Variants in MAPK10 observed in about 807,000 individuals in gnomAD.
MAPK10 encodes the protein mitogen-activated protein kinase 10, also known as JNK3 alpha protein kinase.
A neutral mutation model predicts 59.3 loss-of-function variants in MAPK10; 25 were observed. The observed-to-expected ratio is 0.42, with a 90% CI of 0.31 to 0.59. The LOEUF is 0.59. Among genes scored for constraint, MAPK10 ranks in the 20% least tolerant of loss-of-function variants. The pLI is 0.15. For synonymous variants in MAPK10, 190 were observed against 200.5 expected (o/e 0.95, Z 0.44); for missense variants, 351 against 568.9 (o/e 0.62, Z 3.90).
intron 2 of MAPK10, among the ~76,000 whole-genome samples, chr4:86,204,129 T>C (rs762118889): frequency 6.6e-6 from 1 of 151,958 alleles, no homozygotes; most frequent in Non-Finnish European, 1.5e-5. Flanking sequence ...AAGCCTAAGA[T>C]ACTTATTAGT....
chr4:86,276,570 T>TA (rs1435212704), intron 2 of MAPK10, among the ~76,000 whole-genome samples: 7 of 152,160 alleles, frequency 4.6e-5, no homozygotes, highest in African/African-American at 1.2e-4. Flanking sequence ...TTGGACAGTC[T>TA]AAAAAATCAC....
At chr4:86,269,796 A>G (rs537960043) in intron 2 of MAPK10, among the ~76,000 whole-genome samples, 1 of 152,278 alleles carries the variant, frequency 6.6e-6, no homozygotes, top group Admixed American at 6.6e-5. Context: ...GCTTGTCACT[A>G]TGACAACAAA....
intron 2 of MAPK10, among the ~76,000 whole-genome samples, chr4:86,242,179 G>C (rs1299451715): frequency 6.6e-6 from 1 of 152,008 alleles, no homozygotes; most frequent in African/African-American, 2.4e-5. Flanking sequence ...CCAATGCCTG[G>C]AGATGTCATT....
chr4:86,582,707 C>G (rs1762387097), intron 1 of MAPK10, among the ~76,000 whole-genome samples: 1 of 152,142 alleles, frequency 6.6e-6, no homozygotes, highest in Non-Finnish European at 1.5e-5. Flanking sequence ...GAATTGGGAA[C>G]TAAACCAATG....
At chr4:86,483,101 C>T (rs1011681366) in intron 1 of MAPK10, among the ~76,000 whole-genome samples, 5 of 152,168 alleles carry the variant, frequency 3.3e-5, no homozygotes, top group Non-Finnish European at 1.5e-5. Flanking sequence ...CCTCTTCTAC[C>T]GTCTCCCCAG....
intron 1 of MAPK10, among the ~76,000 whole-genome samples, chr4:86,377,912 T>C (rs527729219): frequency 6.6e-6 from 1 of 152,230 alleles, no homozygotes; most frequent in East Asian, 1.9e-4. Context: ...CTTTCACATT[T>C]TTCTGCCTGC....
chr4:86,307,755 G>A (rs1490407235), intron 2 of MAPK10, among the ~76,000 whole-genome samples: 1 of 152,102 alleles, frequency 6.6e-6, no homozygotes, highest in African/African-American at 2.4e-5. Context: ...GTAGAGTGGT[G>A]GAATATTGTC....
intron 13 of MAPK10, chr4:86,026,494 A>T (rs1750313927): frequency 6.6e-6 from 1 of 152,220 alleles, no homozygotes; most frequent in Non-Finnish European, 1.5e-5. Flanking sequence ...TTATTGACAT[A>T]CAACAATTTC....
intron 3 of MAPK10, among the ~76,000 whole-genome samples, chr4:86,178,711 G>A (rs986976373): frequency 3.8e-4 from 58 of 152,150 alleles, no homozygotes; most frequent in African/African-American, 1.2e-3. Flanking sequence ...ATAAGTAAAG[G>A]GCATCCAAAG....
At chr4:86,157,342 C>A (rs904362957) in intron 4 of MAPK10, among the ~76,000 whole-genome samples, 1 of 151,854 alleles carries the variant, frequency 6.6e-6, no homozygotes, top group African/African-American at 2.4e-5. Context: ...AAATTACATG[C>A]GGTGACACAT....
chr4:86,188,707 G>C (rs1006916725), intron 3 of MAPK10, among the ~76,000 whole-genome samples: 1 of 152,050 alleles, frequency 6.6e-6, no homozygotes, highest in Non-Finnish European at 1.5e-5. Context: ...TGTTCACTCT[G>C]GTAATAATTT....
intron 10 of MAPK10, 128 bp downstream of exon 10, chr4:86,067,645 T>C (rs939104980): frequency 3.9e-6 from 3 of 773,806 alleles, no homozygotes; most frequent in African/African-American, 3.5e-5. Context: ...CCCACAAAAA[T>C]GTACGATTAT....
At chr4:86,524,363 A>T (rs1757320059) in intron 1 of MAPK10, among the ~76,000 whole-genome samples, 2 of 152,210 alleles carry the variant, frequency 1.3e-5, no homozygotes, top group Admixed American at 1.3e-4. Flanking sequence ...AATCTAAATT[A>T]AAAATCTTGA....
intron 9 of MAPK10, among the ~76,000 whole-genome samples, chr4:86,084,512 T>G (rs2051344951): frequency 6.6e-6 from 1 of 151,784 alleles, no homozygotes. Context: ...TATCTACAAA[T>G]AAAATAAAAT....
Position 86,551,178 on chromosome 4 carries a change from CATATGT to C in MAPK10, c.-263+42726_-263+42731del, listed in dbSNP as rs544778143. ...AAAGGATGGGTAGTTAACCAAACTG[CATATGT>C]ATATGTGTTAGCCCCTCAAATGAAA... On this transcript the variant is annotated intron_variant, in intron 1 of 4. Transcript: ENST00000502302. Among the ~76,000 whole-genome samples, 404 of 152,310 alleles carry C rather than the reference CATATGT, an allele frequency of 2.7e-3. 2 individuals are homozygous for C. Among genetic ancestry groups the C allele is most frequent in the African/African-American group, 9.5e-3 (393 of 41,576 alleles).
chr4:86,517,633 G>A (rs182208566), intron 1 of MAPK10, among the ~76,000 whole-genome samples: 16 of 152,062 alleles, frequency 1.1e-4, no homozygotes, highest in African/African-American at 3.6e-4. Flanking sequence ...GAGGATTTTT[G>A]CATCTCTGTC....
chr4:86,265,004 G>A (rs546217035), intron 2 of MAPK10, among the ~76,000 whole-genome samples: 1 of 148,584 alleles, frequency 6.7e-6, no homozygotes, highest in South Asian at 2.2e-4. Flanking sequence ...CAATTCACCT[G>A]CCTCAGCCTC....
At chr4:86,435,830 T>C (rs1302471532) in intron 1 of MAPK10, among the ~76,000 whole-genome samples, 1 of 152,220 alleles carries the variant, frequency 6.6e-6, no homozygotes, top group Non-Finnish European at 1.5e-5. Context: ...ATCTTACTTA[T>C]TGAGCTGAGC....
At chr4:86,447,159 G>A (rs1750141761) in intron 1 of MAPK10, among the ~76,000 whole-genome samples, 1 of 152,098 alleles carries the variant, frequency 6.6e-6, no homozygotes, top group African/African-American at 2.4e-5. Flanking sequence ...GGACCTGGTG[G>A]GAGGTAATTG....
Sources: allele counts gnomAD v4.1 joint callset (sites outside exome capture counted in the v4.1 genomes callset), GRCh38; gene constraint gnomAD v4.1.1; transcripts MANE v1.5; gene names NCBI Gene and HGNC (gene_info 2026-07-23, HGNC 2026-07-21).